The following NRXN3 variants were observed in gnomAD, a reference collection of about 807,000 sequenced individuals.
NRXN3 encodes the protein neurexin 3, also known as neurexin III.
In NRXN3, 32 loss-of-function variants were observed where a neutral mutation model predicts 137.6. The observed-to-expected ratio is 0.23, with a 90% CI of 0.18 to 0.31. NRXN3 has a LOEUF of 0.31. Among genes scored for constraint, NRXN3 ranks in the 10% least tolerant of loss-of-function variants. NRXN3 has a pLI of 1.00. For missense variants in NRXN3, 1,574 were observed against 2,062.5 expected, an observed-to-expected ratio of 0.76 and a Z score of 4.59; for synonymous variants, 798 against 784.5, an observed-to-expected ratio of 1.02 and a Z score of -0.29.
At chr14:79,102,162 T>C (rs2051447686) in intron 15 of NRXN3, among the ~76,000 whole-genome samples, 1 of 152,180 alleles carries the variant, frequency 6.6e-6, no homozygotes, top group Non-Finnish European at 1.5e-5. Flanking sequence ...CAGTTTGTTA[T>C]GGCAAACCCT....
At chr14:79,134,057 G>T (rs73324773) in intron 15 of NRXN3, among the ~76,000 whole-genome samples, 1,798 of 152,234 alleles carry the variant, frequency 0.012, 26 homozygotes, top group African/African-American at 0.041. Context: ...GAGAATGCTT[G>T]TGTGCCTTCA....
chr14:78,711,432 C>CTT (rs1254367279), intron 7 of NRXN3, among the ~76,000 whole-genome samples: 2 of 103,220 alleles, frequency 1.9e-5, no homozygotes, highest in African/African-American at 7.5e-5. Flanking sequence ...TAATTCTTTT[C>CTT]TCTTTTTTTT....
chr14:79,852,690 T>C (rs1408351462), intron 20 of NRXN3, among the ~76,000 whole-genome samples: 1 of 152,086 alleles, frequency 6.6e-6, no homozygotes, highest in Non-Finnish European at 1.5e-5. Context: ...AAAAGGGGAA[T>C]TAACCAGCCA....
At chr14:79,339,248 C>A (rs547160729) in intron 15 of NRXN3, among the ~76,000 whole-genome samples, 1 of 152,254 alleles carries the variant, frequency 6.6e-6, no homozygotes, top group Non-Finnish European at 1.5e-5. Flanking sequence ...AAAGTGTGAC[C>A]TAGGAAAACG....
chr14:79,662,748 G>A (rs890861212), intron 16 of NRXN3, among the ~76,000 whole-genome samples: 1 of 152,018 alleles, frequency 6.6e-6, no homozygotes, highest in Non-Finnish European at 1.5e-5. Context: ...ACAGGAGCAG[G>A]AACAAGAGAG....
intron 16 of NRXN3, among the ~76,000 whole-genome samples, chr14:79,548,030 T>TG (rs1567464262): frequency 6.6e-6 from 1 of 152,012 alleles, no homozygotes; most frequent in African/African-American, 2.4e-5. Context: ...CTTTTTTTTT[T>TG]AACTATTAAT....
intron 19 of NRXN3, among the ~76,000 whole-genome samples, chr14:79,793,510 C>G (rs931726887): frequency 2.0e-5 from 3 of 152,172 alleles, no homozygotes; most frequent in Non-Finnish European, 2.9e-5. Flanking sequence ...ATCTATTTGT[C>G]ATAATTTGAG....
At chr14:78,632,549 GC>G (rs2097531485) in intron 4 of NRXN3, among the ~76,000 whole-genome samples, 1 of 152,130 alleles carries the variant, frequency 6.6e-6, no homozygotes, top group Non-Finnish European at 1.5e-5. Context: ...GTTAACATTG[GC>G]TTGTATTTTG....
intron 10 of NRXN3, among the ~76,000 whole-genome samples, chr14:78,913,274 C>CTTTTTTTTTTTTTTTTTT (rs1157942892): frequency 8.4e-5 from 4 of 47,850 alleles, no homozygotes; most frequent in African/African-American, 1.0e-4. Flanking sequence ...TTCTTTCTTT[C>CTTTTTTTTTTTTTTTTTT]TTTTTTTTTT....
chr14:79,230,224 T>G (rs2071901764), intron 15 of NRXN3, among the ~76,000 whole-genome samples: 1 of 152,018 alleles, frequency 6.6e-6, no homozygotes, highest in Non-Finnish European at 1.5e-5. Context: ...TGGGTAACGG[T>G]TTTGAAGAAA....
chr14:78,810,286 A>G, intron 9 of NRXN3, 32 bp from the exon 10 acceptor site: 5 of 1,381,326 alleles, frequency 3.6e-6, no homozygotes, highest in Non-Finnish European at 4.0e-6. Flanking sequence ...GAAGGATGCA[A>G]TTTCATCTTT....
chr14:79,490,978 A>G (rs1414099257), intron 16 of NRXN3, among the ~76,000 whole-genome samples: 1 of 152,160 alleles, frequency 6.6e-6, no homozygotes, highest in Non-Finnish European at 1.5e-5. Context: ...ATGAATAAAA[A>G]CATCCTTCAA....
chr14:79,082,658 A>G (rs530871707), intron 15 of NRXN3, among the ~76,000 whole-genome samples: 1 of 152,266 alleles, frequency 6.6e-6, no homozygotes, highest in African/African-American at 2.4e-5. Context: ...GTGGAACAAT[A>G]CCTAGAGCTT....
chr14:79,292,115 A>G (rs552871707), intron 15 of NRXN3, among the ~76,000 whole-genome samples: 1 of 152,296 alleles, frequency 6.6e-6, no homozygotes, highest in South Asian at 2.1e-4. Context: ...TAGGTCAGGT[A>G]ATCTGTGCAA....
chr14:78,671,036 G>T (rs1482411101), intron 6 of NRXN3, among the ~76,000 whole-genome samples: 2 of 152,130 alleles, frequency 1.3e-5, no homozygotes, highest in Non-Finnish European at 2.9e-5. Flanking sequence ...CACATCAAAA[G>T]GAAGAACAAT....
intron 11 of NRXN3, among the ~76,000 whole-genome samples, chr14:78,960,822 A>C (rs1173576942): frequency 3.9e-5 from 6 of 152,168 alleles, no homozygotes; most frequent in Non-Finnish European, 8.8e-5. Context: ...CCAAGCTGTA[A>C]AAAGTCATTT....
At chr14:78,349,952 A>G (rs1458406100) in intron 4 of NRXN3, among the ~76,000 whole-genome samples, 1 of 152,212 alleles carries the variant, frequency 6.6e-6, no homozygotes, top group Non-Finnish European at 1.5e-5. Context: ...AAATCTCCCT[A>G]GGGAGAAGGC....
At chr14:78,673,098 C>G (rs1334815759) in intron 6 of NRXN3, among the ~76,000 whole-genome samples, 1 of 152,148 alleles carries the variant, frequency 6.6e-6, no homozygotes, top group African/African-American at 2.4e-5. Flanking sequence ...TAGTAGAATG[C>G]CGATTATCCT....
chr14:78,172,703 G>A (rs1436285902), intron 1 of NRXN3, among the ~76,000 whole-genome samples: 2 of 152,092 alleles, frequency 1.3e-5, no homozygotes, highest in African/African-American at 4.8e-5. Context: ...TGAGCAACAG[G>A]GCTGGGTTTA....
Sources: allele counts gnomAD v4.1 joint callset (sites outside exome capture counted in the v4.1 genomes callset), GRCh38; gene constraint gnomAD v4.1.1; transcripts MANE v1.5; gene names NCBI Gene and HGNC (gene_info 2026-07-23, HGNC 2026-07-21).